The following NRXN1 variants were observed in gnomAD, a reference collection of about 807,000 sequenced individuals.
The protein encoded by NRXN1 is neurexin-1.
In NRXN1, 39 loss-of-function variants were observed where a neutral mutation model predicts 150.9. That is an observed-to-expected ratio of 0.26 (90% confidence interval 0.20 to 0.34). The LOEUF is 0.34. Ranked by LOEUF, NRXN1 falls within the 10% of genes least tolerant of loss-of-function variation. The pLI is 1.00. For missense variants in NRXN1, 1,815 were observed against 1,949.9 expected (o/e 0.93, Z 1.30); for synonymous variants, 924 against 757.0 (o/e 1.22, Z -3.62).
In NRXN1 at chr2:50,342,999, A is replaced by G. The variant is rs188594843; in HGVS notation, c.3365-106029T>C. On this transcript the variant is annotated intron_variant, in intron 17 of 22. Transcript: ENST00000401669. The stretch of plus-strand genomic sequence containing the variant: ...AAAGTGTCTCAGAAACAGAAACATT[A>G]TAAATTCAAGATATAATTATTATCC... Among the ~76,000 whole-genome samples the G allele has an allele frequency of 2.0e-5, 3 of 152,366 alleles. No individual in the cohort carries two copies. In the East Asian group the frequency reaches 5.8e-4, roughly 29 times the overall value.
intron 12 of NRXN1, among the ~76,000 whole-genome samples, chr2:50,517,786 A>T (rs2092672313): frequency 6.6e-6 from 1 of 152,132 alleles, no homozygotes; most frequent in African/African-American, 2.4e-5. Context: ...TTTAATTATA[A>T]AAAAACACAG....
At chr2:50,868,217 G>C (rs1423529665) in intron 5 of NRXN1, among the ~76,000 whole-genome samples, 1 of 135,398 alleles carries the variant, frequency 7.4e-6, no homozygotes, top group Non-Finnish European at 1.6e-5. Context: ...ATACTATGCA[G>C]CCATAAAAAG....
chr2:50,583,530 C>T (rs1200118414), intron 8 of NRXN1, among the ~76,000 whole-genome samples: 3 of 152,158 alleles, frequency 2.0e-5, no homozygotes, highest in African/African-American at 7.2e-5. Flanking sequence ...GTTACATTTA[C>T]TGAGGTTAGA....
intron 5 of NRXN1, among the ~76,000 whole-genome samples, chr2:50,662,578 T>TG (rs1687450443): frequency 6.6e-6 from 1 of 151,794 alleles, no homozygotes; most frequent in Admixed American, 6.6e-5. Flanking sequence ...CACTATGAGT[T>TG]TTTTTTCTTT....
chr2:50,646,974 A>G (rs935488141), intron 5 of NRXN1, among the ~76,000 whole-genome samples: 1 of 151,766 alleles, frequency 6.6e-6, no homozygotes, highest in Non-Finnish European at 1.5e-5. Flanking sequence ...TCTAATGAAG[A>G]TGTAAAAGAT....
intron 9 of NRXN1, chr2:50,547,493 G>A (rs1269207801): frequency 6.6e-6 from 1 of 152,040 alleles, no homozygotes; most frequent in African/African-American, 2.4e-5. Flanking sequence ...TTGTGTTGAG[G>A]GTGGGACCAG....
chr2:49,921,321 G>T lies in NRXN1; in HGVS notation c.*623C>A, dbSNP rs752131502. ...TATATTTCACATTTTTGAAAATAAGGCCTCCATACTTTTTTTTCCTCTCTC... is the reference window on the plus strand; with the variant it reads ...TATATTTCACATTTTTGAAAATAAGTCCTCCATACTTTTTTTTCCTCTCTC... On this transcript the variant is annotated 3_prime_UTR_variant, in exon 23 of 23. Transcript: ENST00000401669. The T allele has an allele frequency of 6.6e-6, 1 of 152,462 alleles. No individual in the cohort carries two copies. Among genetic ancestry groups the T allele is most frequent in the Non-Finnish European group, 1.5e-5 (1 of 68,020 alleles). 9.4% of individuals were successfully genotyped at this position (152,462 alleles called of 1,614,324 possible).
rs554011257 is a variant in NRXN1, at chr2:49,982,617, C to T, written c.4129-38826G>A. On this transcript the variant is annotated intron_variant, in intron 21 of 22. Transcript: ENST00000401669. ...GTTATAGTAATAAAGATATAATTTTCTTTGGTTTTATAAGTTATATAATGG... is the reference window on the plus strand; with the variant it reads ...GTTATAGTAATAAAGATATAATTTTTTTTGGTTTTATAAGTTATATAATGG... Among the ~76,000 whole-genome samples, 28 of 151,994 alleles carry T rather than the reference C, an allele frequency of 1.8e-4. No individual in the cohort carries two copies. The East Asian group carries it at 4.8e-3, about 26-fold the overall frequency.
chr2:50,043,602 G>C (rs1162087720), intron 21 of NRXN1, among the ~76,000 whole-genome samples: 1 of 152,164 alleles, frequency 6.6e-6, no homozygotes, highest in Non-Finnish European at 1.5e-5. Context: ...TTTTCTAGCT[G>C]TGGACTCACT....
At chr2:50,801,832 G>T (rs1707640572) in intron 5 of NRXN1, among the ~76,000 whole-genome samples, 1 of 152,098 alleles carries the variant, frequency 6.6e-6, no homozygotes, top group South Asian at 2.1e-4. Flanking sequence ...AACTTTTGAA[G>T]CAATGTGAAT....
chr2:50,211,393 C>G (rs769420469), intron 18 of NRXN1, among the ~76,000 whole-genome samples: 1 of 151,428 alleles, frequency 6.6e-6, no homozygotes, highest in Non-Finnish European at 1.5e-5. Flanking sequence ...ACTTAATAAT[C>G]AACTATTTCT....
intron 8 of NRXN1, among the ~76,000 whole-genome samples, chr2:50,578,949 T>A (rs1671843032): frequency 6.6e-6 from 1 of 152,158 alleles, no homozygotes; most frequent in Non-Finnish European, 1.5e-5. Context: ...GGGGTTAGAC[T>A]TCAATTAGAT....
chr2:50,250,377 T>G (rs1403108083), intron 17 of NRXN1, among the ~76,000 whole-genome samples: 2 of 152,070 alleles, frequency 1.3e-5, no homozygotes, highest in Admixed American at 1.3e-4. Context: ...GGCACAAAAT[T>G]TGGTTTTCAG....
chr2:50,393,883 G>A (rs1230806910), intron 17 of NRXN1, among the ~76,000 whole-genome samples: 2 of 152,020 alleles, frequency 1.3e-5, no homozygotes, highest in Admixed American at 1.3e-4. Context: ...CAAATCAACA[G>A]GTGTCATCTC....
intron 17 of NRXN1, among the ~76,000 whole-genome samples, chr2:50,284,828 T>C (rs1343855312): frequency 6.6e-6 from 1 of 152,156 alleles, no homozygotes; most frequent in Non-Finnish European, 1.5e-5. Context: ...ACACCTTGCT[T>C]AACCTCATGG....
chr2:51,005,553 G>T (rs1364189984), intron 2 of NRXN1, among the ~76,000 whole-genome samples: 1 of 151,908 alleles, frequency 6.6e-6, no homozygotes, highest in Non-Finnish European at 1.5e-5. Context: ...GTTTAAGAAA[G>T]TCTCACATAT....
intron 5 of NRXN1, among the ~76,000 whole-genome samples, chr2:50,770,594 C>T (rs1013431542): frequency 6.6e-6 from 1 of 151,952 alleles, no homozygotes; most frequent in Non-Finnish European, 1.5e-5. Context: ...GCATAAAATG[C>T]AAATTTCAGT....
intron 18 of NRXN1, among the ~76,000 whole-genome samples, chr2:50,230,714 G>A (rs977156272): frequency 1.3e-5 from 2 of 151,956 alleles, no homozygotes; most frequent in Non-Finnish European, 2.9e-5. Context: ...AAAACATAGA[G>A]ATTAAATGAC....
At chr2:50,684,229 G>A (rs1690894896) in intron 5 of NRXN1, among the ~76,000 whole-genome samples, 1 of 152,138 alleles carries the variant, frequency 6.6e-6, no homozygotes, top group Admixed American at 6.5e-5. Context: ...GAGCCAGGTG[G>A]CTCATGCCTG....
Sources: gnomAD v4.1 joint callset for allele counts (sites outside exome capture counted in the v4.1 genomes callset) on GRCh38, gnomAD v4.1.1 for gene constraint, MANE v1.5 for transcripts, NCBI Gene and HGNC (gene_info 2026-07-23, HGNC 2026-07-21) for gene names.